FMN2: variants seen among roughly 807,000 people sequenced by gnomAD.
The protein encoded by FMN2 is formin-2.
A neutral mutation model predicts 142.3 loss-of-function variants in FMN2; 51 were observed. The observed-to-expected ratio is 0.36, with a 90% CI of 0.29 to 0.45. The LOEUF (loss-of-function observed/expected upper bound fraction) is 0.45. Ranked by LOEUF, FMN2 falls within the 20% of genes least tolerant of loss-of-function variation. The pLI is 1.00. For synonymous variants in FMN2, 882 were observed against 869.8 expected (o/e 1.01, Z -0.25); for missense variants, 1,936 against 2,122.8 (o/e 0.91, Z 1.73).
intron 15 of FMN2, among the ~76,000 whole-genome samples, chr1:240,397,045 A>G (rs1673802955): frequency 6.6e-6 from 1 of 152,212 alleles, no homozygotes; most frequent in Non-Finnish European, 1.5e-5. Flanking sequence ...TGCTTTCCAC[A>G]GTGGCTGAAC....
chr1:240,221,339 G>A (rs1371886319), intron 6 of FMN2, among the ~76,000 whole-genome samples: 1 of 152,078 alleles, frequency 6.6e-6, no homozygotes, highest in Non-Finnish European at 1.5e-5. Flanking sequence ...CACCAACAGT[G>A]TAAAAGTGTT....
At chr1:240,114,687 C>T (rs1416154916) in intron 1 of FMN2, among the ~76,000 whole-genome samples, 4 of 140,824 alleles carry the variant, frequency 2.8e-5, no homozygotes, top group Admixed American at 7.3e-5. Flanking sequence ...GACAGAGTCT[C>T]ACACTCTGTC....
Position 240,329,408 on chromosome 1 carries a change from A to AT in FMN2, c.4381dup (p.Ser1461PhefsTer19), listed in dbSNP as rs773236419. ...TCTTTTGCATCCTGTTCCAGTCCAC[A>AT]TTTTCAGAAAGCATTTGCTCAATTC... On this transcript the variant is annotated frameshift_variant, in exon 10 of 18. Transcript: ENST00000319653. LOFTEE classifies it high-confidence loss of function. The AT allele has an allele frequency of 6.2e-7, 1 of 1,614,048 alleles. No homozygotes were observed. The highest frequency in any genetic ancestry group is 8.5e-7 in the Non-Finnish European group (1 of 1,179,968).
intron 13 of FMN2, among the ~76,000 whole-genome samples, chr1:240,352,862 A>T (rs746595496): frequency 6.6e-6 from 1 of 152,226 alleles, no homozygotes; most frequent in Admixed American, 6.5e-5. Flanking sequence ...GATACAGCCC[A>T]CAGGAAGTTG....
At chr1:240,174,502 G>A (rs1007096954) in intron 2 of FMN2, among the ~76,000 whole-genome samples, 1 of 152,096 alleles carries the variant, frequency 6.6e-6, no homozygotes, top group Non-Finnish European at 1.5e-5. Flanking sequence ...ATAAAAGTGT[G>A]TGCCACCATC....
intron 4 of FMN2, among the ~76,000 whole-genome samples, chr1:240,195,629 A>G (rs897926104): frequency 3.0e-4 from 45 of 152,208 alleles, no homozygotes; most frequent in African/African-American, 1.1e-3. Context: ...TATTTTTTCT[A>G]GAAGCAATAT....
intron 13 of FMN2, among the ~76,000 whole-genome samples, chr1:240,338,263 A>G (rs1050563172): frequency 6.6e-5 from 10 of 152,190 alleles, no homozygotes; most frequent in African/African-American, 1.9e-4. Flanking sequence ...TCCATTTTCC[A>G]GAGATTTATA....
At chr1:240,096,595 C>A (rs981459131) in intron 1 of FMN2, among the ~76,000 whole-genome samples, 1 of 152,158 alleles carries the variant, frequency 6.6e-6, no homozygotes, top group Non-Finnish European at 1.5e-5. Flanking sequence ...AGGGAAATTT[C>A]TTTTTGGCCT....
intron 2 of FMN2, among the ~76,000 whole-genome samples, chr1:240,159,970 T>G (rs1490896504): frequency 8.8e-6 from 1 of 113,930 alleles, no homozygotes; most frequent in Non-Finnish European, 1.8e-5. Context: ...TGTATATATA[T>G]ATATACACAC....
At chr1:240,389,434 A>T (rs1673531357) in intron 14 of FMN2, among the ~76,000 whole-genome samples, 1 of 152,236 alleles carries the variant, frequency 6.6e-6, no homozygotes, top group African/African-American at 2.4e-5. Flanking sequence ...CACAGCCTAT[A>T]AAAGTTGTTT....
At chr1:240,170,396 T>C in intron 2 of FMN2, 1 of 1,209,606 alleles carries the variant, frequency 8.3e-7, no homozygotes, top group Non-Finnish European at 1.2e-6. Flanking sequence ...GTGGGAAGTG[T>C]TGGTGAGGGA....
intron 7 of FMN2, among the ~76,000 whole-genome samples, chr1:240,269,672 A>G (rs1334359707): frequency 6.6e-6 from 1 of 152,070 alleles, no homozygotes; most frequent in Non-Finnish European, 1.5e-5. Flanking sequence ...CTTCCAATCC[A>G]TAAACACAGC....
chr1:240,139,075 T>G (rs961799037), intron 2 of FMN2, among the ~76,000 whole-genome samples: 3 of 152,312 alleles, frequency 2.0e-5, no homozygotes, highest in South Asian at 2.1e-4. Context: ...AGCATTTGCA[T>G]TTCTAACAAC....
chr1:240,411,675 C>T (rs114912714), intron 15 of FMN2, among the ~76,000 whole-genome samples: 3,167 of 147,816 alleles, frequency 0.021, 122 homozygotes, highest in African/African-American at 0.076. Context: ...TCTCTGTTGG[C>T]GTGAAAACAT....
chr1:240,407,874 C>G lies in FMN2; in HGVS notation c.4910+15312C>G, dbSNP rs150011149. Among the ~76,000 whole-genome samples, 4 of 152,118 alleles carry G rather than the reference C, an allele frequency of 2.6e-5. No homozygotes were observed. The East Asian group carries it at 7.8e-4, about 30-fold the overall frequency. On this transcript the variant is annotated intron_variant, in intron 15 of 17. Coordinates refer to ENST00000319653, the MANE Select transcript of FMN2 (RefSeq NM_020066.5). ...TTTGCAATGAAAATATGTTTTAATC[C>G]CTCTAGTAATACTGTGGCATGGAAA...
chr1:240,134,173 C>T (rs1366750338), intron 2 of FMN2, among the ~76,000 whole-genome samples: 1 of 152,146 alleles, frequency 6.6e-6, no homozygotes, highest in Non-Finnish European at 1.5e-5. Flanking sequence ...GTTCTTATTA[C>T]AGAATCAGGC....
intron 2 of FMN2, among the ~76,000 whole-genome samples, chr1:240,176,392 A>C (rs1664913436): frequency 6.6e-6 from 1 of 152,158 alleles, no homozygotes; most frequent in Middle Eastern, 3.2e-3. Context: ...TAGGTGCTTG[A>C]CCTCACCTTG....
chr1:240,271,678 A>C lies in FMN2; in HGVS notation c.4153+13646A>C, dbSNP rs192769398. Among the ~76,000 whole-genome samples, 399 of 152,146 alleles carry C rather than the reference A, an allele frequency of 2.6e-3. 3 individuals are homozygous for C. Among genetic ancestry groups the C allele is most frequent in the African/African-American group, 9.1e-3 (380 of 41,542 alleles). On this transcript the variant is annotated intron_variant, in intron 7 of 17. Transcript: ENST00000319653. ...AAGTAGGCTCCAGTGAGCCTGTGTA[A>C]CCTTTTCATCAATTGTAGCCTTGTA... is the stretch of plus-strand genomic sequence containing the variant.
chr1:240,382,759 A>T (rs1001525327), intron 14 of FMN2, among the ~76,000 whole-genome samples: 16 of 152,200 alleles, frequency 1.1e-4, no homozygotes, highest in African/African-American at 3.1e-4. Flanking sequence ...CACAGAAAAA[A>T]CAATCCTAAA....
Sources: gnomAD v4.1 joint callset for allele counts (sites outside exome capture counted in the v4.1 genomes callset) on GRCh38, gnomAD v4.1.1 for gene constraint, MANE v1.5 for transcripts, NCBI Gene and HGNC (gene_info 2026-07-23, HGNC 2026-07-21) for gene names.